FMN2: variants seen among roughly 807,000 people sequenced by gnomAD.
FMN2 encodes the protein formin-2.
A neutral mutation model predicts 142.3 loss-of-function variants in FMN2; 51 were observed. The observed-to-expected ratio is 0.36, with a 90% CI of 0.29 to 0.45. The LOEUF is 0.45. Ranked by LOEUF, FMN2 falls within the 20% of genes least tolerant of loss-of-function variation. FMN2 has a pLI of 1.00. For synonymous variants in FMN2, 882 were observed against 869.8 expected, an observed-to-expected ratio of 1.01 and a Z score of -0.25; for missense variants, 1,936 against 2,122.8, an observed-to-expected ratio of 0.91 and a Z score of 1.73.
intron 5 of FMN2, 27 bp downstream of exon 5, chr1:240,208,759 C>T (rs1266120755): frequency 5.7e-6 from 9 of 1,586,554 alleles, no homozygotes; most frequent in Non-Finnish European, 7.7e-6. Context: ...CTCGTCTTTG[C>T]ACAGTGTGTG....
chr1:240,318,182 A>T (rs1383931360), intron 8 of FMN2, among the ~76,000 whole-genome samples: 2 of 152,124 alleles, frequency 1.3e-5, no homozygotes, highest in African/African-American at 4.8e-5. Context: ...TACCAGGTTG[A>T]TGGGAAGTTG....
chr1:240,315,880 T>G (rs1670764963), intron 8 of FMN2, among the ~76,000 whole-genome samples: 1 of 152,188 alleles, frequency 6.6e-6, no homozygotes, highest in African/African-American at 2.4e-5. Context: ...AAAAATGTAT[T>G]TAAGTGGCCC....
chr1:240,163,997 C>G (rs1044195757), intron 2 of FMN2, among the ~76,000 whole-genome samples: 89 of 152,250 alleles, frequency 5.8e-4, no homozygotes, highest in African/African-American at 2.1e-3. Context: ...CTCAGCCTCT[C>G]AAGTAGCTAG....
chr1:240,196,471 CTG>C (rs1293762594), intron 4 of FMN2, among the ~76,000 whole-genome samples: 2 of 152,112 alleles, frequency 1.3e-5, no homozygotes, highest in African/African-American at 2.4e-5. Flanking sequence ...GAACTGGAAA[CTG>C]TGGAGGTGGG....
intron 6 of FMN2, chr1:240,245,663 G>A (rs1318571430): frequency 2.4e-5 from 11 of 467,802 alleles, no homozygotes; most frequent in Non-Finnish European, 4.9e-5. Flanking sequence ...ATACTGGTTT[G>A]GTGGTCTCTG....
chr1:240,252,637 G>GT (rs1668313840), intron 6 of FMN2, among the ~76,000 whole-genome samples: 1 of 151,202 alleles, frequency 6.6e-6, no homozygotes, highest in Non-Finnish European at 1.5e-5. Flanking sequence ...TATTCTGACG[G>GT]GGGGGGTGGT....
chr1:240,208,773 G>T, intron 5 of FMN2, 41 bp downstream of exon 5: 1 of 1,544,014 alleles, frequency 6.5e-7, no homozygotes, highest in Non-Finnish European at 8.8e-7. Context: ...GTGTGTGTCA[G>T]TATTAGGGAA....
At chr1:240,136,256 G>A (rs374067331) in intron 2 of FMN2, among the ~76,000 whole-genome samples, 13 of 151,966 alleles carry the variant, frequency 8.6e-5, no homozygotes, top group African/African-American at 1.9e-4. Flanking sequence ...TTTTTCCCCC[G>A]TTATGCTCAA....
chr1:240,259,431 A>G (rs997290384), intron 7 of FMN2, among the ~76,000 whole-genome samples: 21 of 151,214 alleles, frequency 1.4e-4, no homozygotes, highest in Non-Finnish European at 2.7e-4. Flanking sequence ...TCATGCAGAA[A>G]CTTTATCCCA....
At chr1:240,294,243 T>A (rs367739272) in intron 7 of FMN2, among the ~76,000 whole-genome samples, 2 of 152,342 alleles carry the variant, frequency 1.3e-5, no homozygotes, top group East Asian at 3.9e-4. Context: ...TGCTTCTTCC[T>A]TGTATAACCA....
intron 15 of FMN2, among the ~76,000 whole-genome samples, chr1:240,414,944 C>T (rs1017053062): frequency 6.6e-6 from 1 of 152,176 alleles, no homozygotes; most frequent in Non-Finnish European, 1.5e-5. Context: ...CTTTATACAT[C>T]TTTCTGAAAA....
At chr1:240,345,102 T>G (rs762182093) in intron 13 of FMN2, among the ~76,000 whole-genome samples, 2 of 152,218 alleles carry the variant, frequency 1.3e-5, no homozygotes, top group Non-Finnish European at 2.9e-5. Context: ...AAACTGCTCA[T>G]TCTTCTAGAT....
chr1:240,471,086 A>G (rs567315225), intron 16 of FMN2, among the ~76,000 whole-genome samples: 10 of 152,352 alleles, frequency 6.6e-5, no homozygotes, highest in African/African-American at 2.4e-4. Flanking sequence ...AACTTCATAC[A>G]GGACTTTGCT....
intron 7 of FMN2, among the ~76,000 whole-genome samples, chr1:240,289,683 GTCTC>G (rs1198877672): frequency 2.0e-5 from 3 of 151,786 alleles, no homozygotes; most frequent in Non-Finnish European, 2.9e-5. Context: ...CTGTCACTCT[GTCTC>G]TCTCTAAAAA....
intron 7 of FMN2, among the ~76,000 whole-genome samples, chr1:240,285,744 G>C (rs1024838767): frequency 2.6e-5 from 4 of 152,124 alleles, no homozygotes; most frequent in African/African-American, 9.7e-5. Context: ...ATGTGCATTT[G>C]GATTTCACAA....
At chr1:240,135,981 G>GTT (rs11353423) in intron 2 of FMN2, among the ~76,000 whole-genome samples, 46 of 142,660 alleles carry the variant, frequency 3.2e-4, no homozygotes, top group African/African-American at 1.1e-3. Flanking sequence ...GCCTAGTCAT[G>GTT]TTTTTTTTTT....
intron 2 of FMN2, chr1:240,145,273 C>T: frequency 6.9e-7 from 1 of 1,439,276 alleles, no homozygotes; most frequent in South Asian, 1.3e-5. Context: ...CCCCGGCATC[C>T]CGCCGCTCCT....
intron 4 of FMN2, among the ~76,000 whole-genome samples, chr1:240,195,997 G>T (rs1432910993): frequency 6.6e-6 from 1 of 152,032 alleles, no homozygotes; most frequent in Non-Finnish European, 1.5e-5. Context: ...AACAGAATGA[G>T]ACCCTGTCTT....
intron 2 of FMN2, among the ~76,000 whole-genome samples, chr1:240,154,059 G>A (rs946237502): frequency 3.8e-5 from 5 of 131,782 alleles, no homozygotes; most frequent in Non-Finnish European, 4.6e-5. Context: ...GCAGTGAGCC[G>A]AGATCAGGCC....
Sources: gnomAD v4.1 joint callset for allele counts (sites outside exome capture counted in the v4.1 genomes callset) on GRCh38, gnomAD v4.1.1 for gene constraint, MANE v1.5 for transcripts, NCBI Gene and HGNC (gene_info 2026-07-23, HGNC 2026-07-21) for gene names.